COG7: variants seen among roughly 807,000 people sequenced by gnomAD.
The protein encoded by COG7 is component of oligomeric golgi complex 7.
In COG7, 49 loss-of-function variants were observed where a neutral mutation model predicts 91.5. The ratio of observed to expected loss-of-function variants is 0.54; its 90% CI spans 0.43 to 0.68. The LOEUF is 0.68. Ranked by LOEUF, COG7 falls within the 30% of genes least tolerant of loss-of-function variation. The pLI is 0.00. For missense variants in COG7, 895 were observed against 961.3 expected, an observed-to-expected ratio of 0.93 and a Z score of 0.91; for synonymous variants, 365 against 388.7, an observed-to-expected ratio of 0.94 and a Z score of 0.72.
chr16:23,441,458 C>T (rs1479734530), intron 4 of COG7, among the ~76,000 whole-genome samples: 1 of 152,084 alleles, frequency 6.6e-6, no homozygotes, highest in African/African-American at 2.4e-5. Context: ...GTCTGTAATC[C>T]CAGCTACTCG....
chr16:23,434,754 C>T lies in COG7; in HGVS notation c.605-36G>A, dbSNP rs745611843. On this transcript the variant is annotated intron_variant, in intron 4 of 16. Coordinates refer to ENST00000307149, the MANE Select transcript of COG7 (RefSeq NM_153603.4). ...TACAATGTATATATACTGTTACCAG[C>T]CTTTCTGGTGTAGACATGAGAAAAA... The T allele has an allele frequency of 3.4e-6, 5 of 1,457,650 alleles. No individual in the cohort carries two copies. The South Asian group carries it at 4.6e-5, about 13-fold the overall frequency. The allele number at this position is 1,457,650 out of a possible 1,614,324, so 90.3% of individuals were successfully genotyped here. A position where few individuals can be genotyped will look rare whatever the true frequency, so the allele number is the denominator to read the frequency against.
chr16:23,395,982 A>G (rs539681247), intron 14 of COG7, among the ~76,000 whole-genome samples: 2 of 152,354 alleles, frequency 1.3e-5, no homozygotes, highest in South Asian at 4.1e-4. Context: ...TAGAATTAAT[A>G]CGTGTGCTAT....
intron 13 of COG7, among the ~76,000 whole-genome samples, chr16:23,401,682 C>G (rs1376608641): frequency 6.6e-6 from 1 of 152,124 alleles, no homozygotes; most frequent in Non-Finnish European, 1.5e-5. Context: ...AATGGCAACT[C>G]CAATCTCTTC....
rs1376405829 is a variant in COG7, at chr16:23,393,405, T to C, written c.1888-58A>G. 8 of 1,346,874 alleles carry C rather than the reference T, an allele frequency of 5.9e-6. No individual in the cohort carries two copies. The Middle Eastern group carries it at 7.1e-4, about 120-fold the overall frequency. The allele number at this position is 1,346,874 out of a possible 1,614,324, so 83.4% of individuals were successfully genotyped here. A position where few individuals can be genotyped will look rare whatever the true frequency, so the allele number is the denominator to read the frequency against. Reference sequence around the variant, plus strand: ...TTGACACATACGGGTTATTACTTTATGGGTACATTTGTGTGAAGGCAAACG... The same window carrying C: ...TTGACACATACGGGTTATTACTTTACGGGTACATTTGTGTGAAGGCAAACG... On this transcript the variant is annotated intron_variant, in intron 14 of 16. Transcript: ENST00000307149.
At chr16:23,401,771 C>T in intron 13 of COG7, among the ~76,000 whole-genome samples, 1 of 151,766 alleles carries the variant, frequency 6.6e-6, no homozygotes, top group African/African-American at 2.4e-5. Flanking sequence ...AAAAAAAAAT[C>T]TCGACCAGGC....
intron 5 of COG7, 64 bp downstream of exon 5, chr16:23,434,572 T>C: frequency 2.4e-6 from 3 of 1,227,444 alleles, no homozygotes; most frequent in Non-Finnish European, 3.6e-6. Flanking sequence ...GAACCTGCGA[T>C]TCTGTGACCC....
chr16:23,446,042 T>C, intron 1 of COG7, 81 bp from the exon 2 acceptor site: 3 of 1,488,554 alleles, frequency 2.0e-6, no homozygotes, highest in South Asian at 1.2e-5. Context: ...ACCAGTAAAA[T>C]ACAGGAAACA....
intron 5 of COG7, 143 bp downstream of exon 5, chr16:23,434,493 C>T: frequency 1.4e-6 from 1 of 708,164 alleles, no homozygotes; most frequent in Non-Finnish European, 2.6e-6. Context: ...CAAGAGCACC[C>T]CCTACTGGCT....
At chr16:23,402,929 C>T (rs1596914970) in intron 13 of COG7, among the ~76,000 whole-genome samples, 4 of 152,240 alleles carry the variant, frequency 2.6e-5, no homozygotes, top group African/African-American at 7.2e-5. Flanking sequence ...AAGGAGAGCA[C>T]GTTTGATTTT....
chr16:23,426,712 G>A (rs1007797515), intron 6 of COG7, among the ~76,000 whole-genome samples: 2 of 150,744 alleles, frequency 1.3e-5, no homozygotes, highest in Admixed American at 6.7e-5. Flanking sequence ...CACAGCTAAC[G>A]TGATACCCAT....
chr16:23,398,485 G>A (rs1036361115), intron 13 of COG7, among the ~76,000 whole-genome samples: 1 of 152,264 alleles, frequency 6.6e-6, no homozygotes, highest in East Asian at 1.9e-4. Flanking sequence ...CTGCGTAGCG[G>A]GGCCACTGTG....
chr16:23,389,170 C>T (rs1052829174), intron 16 of COG7, 84 bp from the exon 17 acceptor site: 16 of 1,521,052 alleles, frequency 1.1e-5, no homozygotes, highest in Admixed American at 3.7e-5. Context: ...CCCCTGAATA[C>T]GACACAGAGA....
At chr16:23,400,205 G>A (rs1963351428) in intron 13 of COG7, among the ~76,000 whole-genome samples, 2 of 152,046 alleles carry the variant, frequency 1.3e-5, no homozygotes, top group African/African-American at 2.4e-5. Context: ...AATGAGGAGA[G>A]ATAAAACCAA....
intron 3 of COG7, among the ~76,000 whole-genome samples, chr16:23,443,003 C>T (rs1287445470): frequency 1.3e-5 from 2 of 151,178 alleles, no homozygotes; most frequent in Non-Finnish European, 2.9e-5. Context: ...CACTGCACTC[C>T]AGCCTGGGCA....
At chr16:23,434,265 A>C (rs1963979433) in intron 5 of COG7, among the ~76,000 whole-genome samples, 1 of 152,214 alleles carries the variant, frequency 6.6e-6, no homozygotes, top group South Asian at 2.1e-4. Flanking sequence ...CAGGCTGGGC[A>C]AAATAGTGAA....
intron 6 of COG7, 130 bp downstream of exon 6, chr16:23,433,415 G>T: frequency 8.1e-7 from 1 of 1,232,758 alleles, no homozygotes; most frequent in Non-Finnish European, 1.2e-6. Flanking sequence ...TTAACCCCTT[G>T]AATGACAGCA....
chr16:23,430,041 G>A (rs1259367720), intron 6 of COG7, among the ~76,000 whole-genome samples: 1 of 152,196 alleles, frequency 6.6e-6, no homozygotes, highest in Non-Finnish European at 1.5e-5. Flanking sequence ...TTTCCAGGGC[G>A]ATGGTGATAT....
chr16:23,424,962 A>ACCG lies in COG7; in HGVS notation c.811-16_811-15insCGG. 5.0e-6 allele frequency: 8 copies of ACCG among 1,585,064 alleles called. No individual in the cohort carries two copies. The highest frequency in any genetic ancestry group is 6.9e-6 in the Non-Finnish European group (8 of 1,162,872). ...TTCTGGAAAACCTGCAGTGAGAGAGAGGTGTACCTGCCTTAGCACATGGAG... is the reference window on the plus strand; with the variant it reads ...TTCTGGAAAACCTGCAGTGAGAGAGACCGGGTGTACCTGCCTTAGCACATGGAG... On this transcript the variant is annotated splice_polypyrimidine_tract_variant and intron_variant, in intron 6 of 16. Transcript: ENST00000307149.
intron 13 of COG7, among the ~76,000 whole-genome samples, chr16:23,402,497 T>C (rs1963394640): frequency 6.6e-6 from 1 of 152,198 alleles, no homozygotes; most frequent in East Asian, 1.9e-4. Context: ...ATCTACTCTG[T>C]GGCCAGTGCT....
Sources: gnomAD v4.1 joint callset for allele counts (sites outside exome capture counted in the v4.1 genomes callset) on GRCh38, gnomAD v4.1.1 for gene constraint, MANE v1.5 for transcripts, NCBI Gene and HGNC (gene_info 2026-07-23, HGNC 2026-07-21) for gene names.